ZNF512B: variants seen among roughly 807,000 people sequenced by gnomAD.
The protein encoded by ZNF512B is zinc finger protein 512B.
In ZNF512B, 22 loss-of-function variants were observed where a neutral mutation model predicts 87.8. The ratio of observed to expected loss-of-function variants is 0.25; its 90% CI spans 0.18 to 0.36. ZNF512B has a LOEUF of 0.36. ZNF512B is among the 10% of genes least tolerant of loss of function. The pLI is 1.00. For synonymous variants in ZNF512B, 524 were observed against 490.9 expected (o/e 1.07, Z -0.89); for missense variants, 1,060 against 1,231.6 (o/e 0.86, Z 2.09).
intron 12 of ZNF512B, 81 bp from the exon 13 acceptor site, chr20:63,962,862 G>A (rs2058870533): frequency 7.1e-7 from 1 of 1,404,244 alleles, no homozygotes; most frequent in Non-Finnish European, 9.5e-7. Context: ...CCACCCTAAG[G>A]CCGGTGGACC....
At chr20:63,968,580 TGA>T (rs2058950912) in intron 1 of ZNF512B, among the ~76,000 whole-genome samples, 1 of 152,224 alleles carries the variant, frequency 6.6e-6, no homozygotes, top group Admixed American at 6.5e-5. Flanking sequence ...AGGTGGGCAC[TGA>T]GGACCCCTGG....
chr20:63,967,542 C>A lies in ZNF512B; in HGVS notation c.122-19G>T. The A allele has an allele frequency of 6.3e-7, 1 of 1,577,950 alleles. No homozygotes were observed. Among genetic ancestry groups the A allele is most frequent in the Non-Finnish European group, 8.6e-7 (1 of 1,158,954 alleles). On this transcript the variant is annotated intron_variant, in intron 2 of 16. Coordinates refer to ENST00000369888, the MANE Select transcript of ZNF512B (RefSeq NM_020713.3). ...GGCATCCCTGCAGCACACAACACAG[C>A]AAGGCTCGGAAGCTGTGTAGCACCG...
chr20:63,963,813 C>T lies in ZNF512B; in HGVS notation c.1581G>A (p.Lys527=), dbSNP rs377393665. 21 of 1,612,886 alleles carry T rather than the reference C, an allele frequency of 1.3e-5. No homozygotes were observed. The highest frequency in any genetic ancestry group is 1.6e-5 in the Non-Finnish European group (19 of 1,179,988). ...CCTTCTGACACACCTCCATGTGCTT[C>T]TTAAGCCCCACGAGAGTCTTCCGGG... ...VVTRKTLVGL[K]KHMEVCQKLQ... is the part of the protein sequence containing the mutation. The change falls in exon 9 of 17, where the codon AAG becomes AAA. Residue 527 remains lysine, a synonymous_variant. Coordinates refer to ENST00000369888, the MANE Select transcript of ZNF512B (RefSeq NM_020713.3).
intron 8 of ZNF512B, 71 bp downstream of exon 8, chr20:63,963,999 GC>G: frequency 4.4e-6 from 7 of 1,594,892 alleles, no homozygotes; most frequent in Non-Finnish European, 6.0e-6. Context: ...TCCACACTCA[GC>G]CCCCATCCCT....
At position 63,961,468 on chromosome 20, in the gene ZNF512B, C is replaced by T. The variant is rs918625970; in HGVS notation, c.2329-61G>A. 2.0e-6 allele frequency: 3 copies of T among 1,501,990 alleles called. No individual in the cohort carries two copies. Among genetic ancestry groups the T allele is most frequent in the African/African-American group, 1.4e-5 (1 of 72,862 alleles). The allele number at this position is 1,501,990 out of a possible 1,614,324, so 93.0% of individuals were successfully genotyped here. On this transcript the variant is annotated intron_variant, in intron 15 of 16. Coordinates refer to ENST00000369888, the MANE Select transcript of ZNF512B (RefSeq NM_020713.3). The surrounding 1 kb of genome is among the most constrained non-coding windows in gnomAD (Gnocchi z 6.4). ...GGAGGACCCAGATCTGTCCTAAGCC[C>T]CTACTCATGGCTAAAGGGTCAGAGT... is the stretch of plus-strand genomic sequence containing the variant.
rs779729271 is a variant in ZNF512B at position 63,966,495 on chromosome 20, G to C, written c.680C>G (p.Ala227Gly). ...SVGRPMPVTKAIPVTRPVPVT... is the reference protein window; with the variant it reads ...SVGRPMPVTKGIPVTRPVPVT... ...TGGCACGGGCCTAGTGACCGGGATG[G>C]CCTTGGTGACTGGCATGGGTCTGCC... The change falls in exon 5 of 17, where the codon GCC becomes GGC. Residue 227 changes from alanine (A) to glycine (G), a missense_variant. Coordinates refer to ENST00000369888, the MANE Select transcript of ZNF512B (RefSeq NM_020713.3). 2.5e-6 allele frequency: 4 copies of C among 1,614,058 alleles called. No homozygotes were observed. In the South Asian group the frequency reaches 3.3e-5, roughly 13 times the overall value.
rs2058868488 is a variant in ZNF512B at position 63,962,763 on chromosome 20, C to T, written c.1987G>A (p.Asp663Asn). The T allele has an allele frequency of 5.0e-6, 8 of 1,600,384 alleles. No individual in the cohort carries two copies. Among genetic ancestry groups the T allele is most frequent in the Admixed American group, 1.7e-5 (1 of 58,548 alleles). Reference sequence around the variant, plus strand: ...GGGTCCTCAGCCTCAGGGGACTTGTCTGTGGGCTCCTCAGGGGGCTGGAGG... The same window carrying T: ...GGGTCCTCAGCCTCAGGGGACTTGTTTGTGGGCTCCTCAGGGGGCTGGAGG... ...HTAPPPEEPT[D>N]KSPEAEDPLG... The change falls in exon 13 of 17, where the codon GAC becomes AAC. Residue 663 changes from aspartate to asparagine, a missense_variant. Asp to Asn is a conservative substitution (Grantham distance 23). Transcript: ENST00000369888.
In ZNF512B at chr20:63,966,758, G is replaced by T; in HGVS notation, c.417C>A (p.Ala139=). 1 of 1,598,446 alleles carries T rather than the reference G, an allele frequency of 6.3e-7. No homozygotes were observed. Among genetic ancestry groups the T allele is most frequent in the Admixed American group, 1.7e-5 (1 of 59,106 alleles). Residue 139 remains alanine, a synonymous_variant, in exon 5 of 17, where the codon GCC becomes GCA. Transcript: ENST00000369888. ...CGGCCTCGCAGAAGGGGCAGGGGAA[G>T]GCCAGGCGATCTGAGATGGCACCCT... ...CQGGAISDRL[A]FPCPFCEAAF...
rs1190829561 is a variant in ZNF512B, at chr20:63,956,880, G to C, written c.*3008C>G. The C allele has an allele frequency of 6.5e-6, 1 of 152,694 alleles. No individual in the cohort carries two copies. The highest frequency in any genetic ancestry group is 1.5e-5 in the Non-Finnish European group (1 of 68,088). 9.5% of individuals were successfully genotyped at this position (152,694 alleles called of 1,614,324 possible). On this transcript the variant is annotated 3_prime_UTR_variant, in exon 17 of 17. Transcript: ENST00000369888. Reference sequence around the variant, plus strand: ...GAAACATCTCGCAAATAAACACTTTGTAGATAGAATATATATGTATATATA... The same window carrying C: ...GAAACATCTCGCAAATAAACACTTTCTAGATAGAATATATATGTATATATA...
Position 63,961,878 on chromosome 20 carries a change from C to T in ZNF512B, c.2328+64G>A, listed in dbSNP as rs930674997. 21 of 1,518,256 alleles carry T rather than the reference C, an allele frequency of 1.4e-5. No homozygotes were observed. Among genetic ancestry groups the T allele is most frequent in the Middle Eastern group, 1.7e-4 (1 of 5,758 alleles). The allele number at this position is 1,518,256 out of a possible 1,614,324, so 94.0% of individuals were successfully genotyped here. On this transcript the variant is annotated intron_variant, in intron 15 of 16. Coordinates refer to ENST00000369888, the MANE Select transcript of ZNF512B (RefSeq NM_020713.3). The surrounding 1 kb of genome is among the most constrained non-coding windows in gnomAD (Gnocchi z 6.4). Reference sequence around the variant, plus strand: ...CCCTCACTACTGTGTGGGAAGCCCGCGTGGGGTGAGCTGGGAGCTCTGAGT... The same window carrying T: ...CCCTCACTACTGTGTGGGAAGCCCGTGTGGGGTGAGCTGGGAGCTCTGAGT...
intron 1 of ZNF512B, 76 bp from the exon 2 acceptor site, chr20:63,968,028 T>A (rs2058946032): frequency 2.0e-6 from 3 of 1,536,632 alleles, no homozygotes; most frequent in South Asian, 1.2e-5. Context: ...CCTGGAGCCC[T>A]GCCCTTGGCA....
At chr20:63,962,446 C>A (rs1433441805) in intron 13 of ZNF512B, 72 bp from the exon 14 acceptor site, 3 of 1,551,830 alleles carry the variant, frequency 1.9e-6, no homozygotes, top group East Asian at 2.3e-5. Context: ...ACACTCGCCT[C>A]GGCAGCAGGC....
rs1429962804 is a variant in ZNF512B, at chr20:63,962,303, C to T, written c.2235G>A (p.Lys745=). ...TGGGACAGTTGACGTGGCCTTTCTC[C>T]TTCACTTCATTCTTCCATGCCTCTA... ...QLLEAWKNEV[K]EKGHVNCPND... is the part of the protein sequence containing the mutation. The change falls in exon 14 of 17, where the codon AAG becomes AAA. Residue 745 remains lysine, a synonymous_variant. Coordinates refer to ENST00000369888, the MANE Select transcript of ZNF512B (RefSeq NM_020713.3). 6.2e-7 allele frequency: 1 copy of T among 1,612,584 alleles called. No homozygotes were observed. The highest frequency in any genetic ancestry group is 1.3e-5 in the African/African-American group (1 of 74,932).
intron 1 of ZNF512B, chr20:63,969,317 G>A (rs955100781): frequency 2.7e-6 from 1 of 375,580 alleles, no homozygotes; most frequent in African/African-American, 2.2e-5. Context: ...TGGCGCCCCG[G>A]ATGAGAAGGG....
rs1315165119 is a variant in ZNF512B, at chr20:63,957,264, G to A, written c.*2624C>T. 2 of 152,648 alleles carry A rather than the reference G, an allele frequency of 1.3e-5. No homozygotes were observed. Among genetic ancestry groups the A allele is most frequent in the Non-Finnish European group, 2.9e-5 (2 of 68,066 alleles). The allele number at this position is 152,648 out of a possible 1,614,324, so 9.5% of individuals were successfully genotyped here. A position where few individuals can be genotyped will look rare whatever the true frequency, so the allele number is the denominator to read the frequency against. On this transcript the variant is annotated 3_prime_UTR_variant, in exon 17 of 17. Transcript: ENST00000369888. ...AGTCAGCCCTTCCGGGCCCTTTCCTGTTCTCAGGGCAGGGGGCGTGCGCTG... is the reference window on the plus strand; with the variant it reads ...AGTCAGCCCTTCCGGGCCCTTTCCTATTCTCAGGGCAGGGGGCGTGCGCTG...
rs752296305 is a variant in ZNF512B, at chr20:63,966,811, G to A, written c.394-30C>T. On this transcript the variant is annotated intron_variant, in intron 4 of 16. Transcript: ENST00000369888. ...GCAGGGAAGGGAAGGTTTGGGACAGGGCCCCAAGGGCCTCTGCCCAAACAC... is the reference window on the plus strand; with the variant it reads ...GCAGGGAAGGGAAGGTTTGGGACAGAGCCCCAAGGGCCTCTGCCCAAACAC... The A allele has an allele frequency of 3.7e-6, 6 of 1,604,802 alleles. No individual in the cohort carries two copies. In the East Asian group the frequency reaches 1.1e-4, roughly 30 times the overall value.
chr20:63,969,116 TG>T (rs1219722098), intron 1 of ZNF512B: 12 of 985,328 alleles, frequency 1.2e-5, no homozygotes, highest in Non-Finnish European at 1.3e-5. Context: ...CAAAGTTCTC[TG>T]GAAGTCCTCA....
At chr20:63,968,960 G>C (rs777349344) in intron 1 of ZNF512B, among the ~76,000 whole-genome samples, 6 of 152,248 alleles carry the variant, frequency 3.9e-5, no homozygotes, top group Non-Finnish European at 8.8e-5. Flanking sequence ...GGTTGAGTGG[G>C]CAGGTGGCCC....
At position 63,959,597 on chromosome 20, in the gene ZNF512B, C is replaced by T. The variant is rs2058827623; in HGVS notation, c.*291G>A. The stretch of plus-strand genomic sequence containing the variant: ...CATCTGCCTACTCTGCGCTGCAGCC[C>T]CTGTGGCACCAAGACCCCAGACACA... On this transcript the variant is annotated 3_prime_UTR_variant, in exon 17 of 17. Coordinates refer to ENST00000369888, the MANE Select transcript of ZNF512B (RefSeq NM_020713.3). 9 of 442,078 alleles carry T rather than the reference C, an allele frequency of 2.0e-5. No individual in the cohort carries two copies. Among genetic ancestry groups the T allele is most frequent in the Non-Finnish European group, 3.2e-5 (8 of 251,848 alleles). 27.4% of individuals were successfully genotyped at this position (442,078 alleles called of 1,614,324 possible).
Sources: gnomAD v4.1 joint callset for allele counts (sites outside exome capture counted in the v4.1 genomes callset) on GRCh38, gnomAD v4.1.1 for gene constraint, Gnocchi (gnomAD v3.1) non-coding constraint, MANE v1.5 for transcripts, NCBI Gene and HGNC (gene_info 2026-07-23, HGNC 2026-07-21) for gene names.